Variants in ANKRD55 observed in about 807,000 individuals in gnomAD.
ANKRD55 encodes ankyrin repeat domain 55.
A neutral mutation model predicts 60.6 loss-of-function variants in ANKRD55; 41 were observed. That is an observed-to-expected ratio of 0.68 (90% CI 0.53 to 0.88). The LOEUF (loss-of-function observed/expected upper bound fraction) is 0.88, where lower values mean the gene tolerates loss of function less well. Ranked by LOEUF, ANKRD55 falls within the 40% of genes least tolerant of loss-of-function variation. The pLI is 0.00. For missense variants in ANKRD55, 732 were observed against 767.6 expected, an observed-to-expected ratio of 0.95 and a Z score of 0.55; for synonymous variants, 264 against 290.3, an observed-to-expected ratio of 0.91 and a Z score of 0.92.
chr5:56,210,945 A>T (rs1759655977), intron 2 of ANKRD55, among the ~76,000 whole-genome samples: 1 of 152,088 alleles, frequency 6.6e-6, no homozygotes, highest in Non-Finnish European at 1.5e-5. Context: ...ATACTCAATC[A>T]TTATTGACAC....
chr5:56,165,082 G>A (rs1291278878), intron 5 of ANKRD55, among the ~76,000 whole-genome samples: 1 of 152,166 alleles, frequency 6.6e-6, no homozygotes, highest in Non-Finnish European at 1.5e-5. Flanking sequence ...AACCTCCAGT[G>A]AGCACCAAAT....
intron 2 of ANKRD55, among the ~76,000 whole-genome samples, chr5:56,198,299 G>GT (rs535901595): frequency 0.17 from 24,920 of 150,606 alleles, 3,904 homozygotes; most frequent in African/African-American, 0.41. Context: ...TATTATTACT[G>GT]TTTTTTTTTC....
rs191888853 is a variant in ANKRD55 at position 56,181,502 on chromosome 5, G to A, written c.181+2010C>T. The stretch of plus-strand genomic sequence containing the variant: ...TTTTTCTGCCTTAGTTGGTTAATTC[G>A]GTGGATTACATTGACTTTCAAATAT... On this transcript the variant is annotated intron_variant, in intron 3 of 11. Transcript: ENST00000341048. 5.7e-3 allele frequency among the ~76,000 whole-genome samples: 873 copies of A among 152,012 alleles called. 7 individuals carry two copies. Among genetic ancestry groups the A allele is most frequent in the African/African-American group, 0.02 (841 of 41,422 alleles).
At chr5:56,117,236 A>T (rs557294719) in intron 8 of ANKRD55, among the ~76,000 whole-genome samples, 2 of 152,080 alleles carry the variant, frequency 1.3e-5, no homozygotes, top group Non-Finnish European at 2.9e-5. Flanking sequence ...CTTTTTATTT[A>T]ATTTATAGTA....
intron 2 of ANKRD55, among the ~76,000 whole-genome samples, chr5:56,189,076 T>C (rs1477060426): frequency 6.6e-6 from 1 of 152,120 alleles, no homozygotes; most frequent in Non-Finnish European, 1.5e-5. Context: ...GAGGTATGAA[T>C]GGACTTTAAT....
chr5:56,206,082 C>T (rs1418044641), intron 2 of ANKRD55, among the ~76,000 whole-genome samples: 1 of 151,474 alleles, frequency 6.6e-6, no homozygotes, highest in Admixed American at 6.6e-5. Context: ...CTCAGATGAC[C>T]CTCCTACCTC....
Position 56,137,076 on chromosome 5 carries a change from C to T in ANKRD55, c.612+6725G>A, listed in dbSNP as rs1248715626. 8.1e-6 allele frequency: 7 copies of T among 863,774 alleles called. No homozygotes were observed. The African/African-American group carries it at 1.2e-4, about 14-fold the overall frequency. 53.5% of individuals were successfully genotyped at this position (863,774 alleles called of 1,614,324 possible). A position where few individuals can be genotyped will look rare whatever the true frequency, so the allele number is the denominator to read the frequency against. ...CACTTTACGAACACTTGTGAAATGCCCAGGCCATCAGGGTAGGCATATATG... is the reference window on the plus strand; with the variant it reads ...CACTTTACGAACACTTGTGAAATGCTCAGGCCATCAGGGTAGGCATATATG... On this transcript the variant is annotated intron_variant, in intron 7 of 11. Coordinates refer to ENST00000341048, the MANE Select transcript of ANKRD55 (RefSeq NM_024669.3).
chr5:56,195,156 T>C (rs1759200493), intron 2 of ANKRD55, among the ~76,000 whole-genome samples: 1 of 152,220 alleles, frequency 6.6e-6, no homozygotes, highest in African/African-American at 2.4e-5. Flanking sequence ...GGGATAATTG[T>C]CTTGCCAATG....
chr5:56,131,031 CAGA>C (rs1007794549), intron 7 of ANKRD55, among the ~76,000 whole-genome samples: 12 of 151,508 alleles, frequency 7.9e-5, no homozygotes, highest in Admixed American at 5.9e-4. Context: ...ATAGGAATAC[CAGA>C]AGGAGAAGAG....
chr5:56,229,264 A>G (rs1254872843), intron 2 of ANKRD55, among the ~76,000 whole-genome samples: 1 of 152,154 alleles, frequency 6.6e-6, no homozygotes, highest in Admixed American at 6.5e-5. Flanking sequence ...TGGCTTTACT[A>G]CAGGTCGCTT....
chr5:56,197,555 A>G (rs1402332243), intron 2 of ANKRD55, among the ~76,000 whole-genome samples: 3 of 152,178 alleles, frequency 2.0e-5, no homozygotes. Flanking sequence ...CATGATGATG[A>G]TGTATTCACT....
rs765001143 is a variant in ANKRD55 at position 56,232,863 on chromosome 5, C to A, written c.51G>T (p.Gln17His). 3 of 1,614,072 alleles carry A rather than the reference C, an allele frequency of 1.9e-6. No individual in the cohort carries two copies. The highest frequency in any genetic ancestry group is 2.5e-6 in the Non-Finnish European group (3 of 1,179,980). ...MDFSTPSVFD[Q>H]QRGDSSEEVD... is the part of the protein sequence containing the mutation. ...GTTAAAGCAGCATTTTACCTCTTTGCTGATCAAACACAGAAGGGGTGCTGA... is the reference window on the plus strand; with the variant it reads ...GTTAAAGCAGCATTTTACCTCTTTGATGATCAAACACAGAAGGGGTGCTGA... The change falls in exon 2 of 12, where the codon CAG (glutamine) becomes CAT (histidine). Residue 17 changes from glutamine (Q) to histidine (H), a missense_variant. Physicochemically the swap from Gln to His is conservative, Grantham distance 24 (BLOSUM62 0). Around this residue, in one of 3 missense-constraint regions of ANKRD55, gnomAD observed 131 missense variants for 142.7 expected, o/e 0.92. Transcript: ENST00000341048.
intron 4 of ANKRD55, among the ~76,000 whole-genome samples, chr5:56,173,582 C>CTCTA (rs1484157730): frequency 5.5e-3 from 249 of 45,224 alleles, no homozygotes; most frequent in Non-Finnish European, 7.1e-3. Context: ...CTCTCTCTCT[C>CTCTA]TATATATATA....
chr5:56,206,834 C>T (rs747193759), intron 2 of ANKRD55, among the ~76,000 whole-genome samples: 15 of 152,164 alleles, frequency 9.9e-5, no homozygotes, highest in Non-Finnish European at 2.1e-4. Context: ...AAGAACAGGA[C>T]GAAGCTCTGA....
At chr5:56,117,137 TCTC>T (rs1756908769) in intron 8 of ANKRD55, among the ~76,000 whole-genome samples, 1 of 152,224 alleles carries the variant, frequency 6.6e-6, no homozygotes, top group Non-Finnish European at 1.5e-5. Flanking sequence ...TAGCTATGTT[TCTC>T]CTCCTTCTGT....
In ANKRD55 at chr5:56,213,375, T is replaced by C. The variant is rs150546386; in HGVS notation, c.58+19481A>G. ...ATTATTTTGCTTCCAGGGAAGGGAA[T>C]TGGACCACTGAAGGTAGGAGCGGGG... On this transcript the variant is annotated intron_variant, in intron 2 of 11. Transcript: ENST00000341048. Among the ~76,000 whole-genome samples the C allele has an allele frequency of 9.2e-3, 1,398 of 152,198 alleles. 35 individuals are homozygous for C. The highest frequency in any genetic ancestry group is 0.031 in the African/African-American group (1,295 of 41,506).
intron 8 of ANKRD55, among the ~76,000 whole-genome samples, chr5:56,123,402 T>C (rs1197258502): frequency 6.6e-6 from 1 of 152,208 alleles, no homozygotes; most frequent in Admixed American, 6.5e-5. Context: ...TTTCCTGTTA[T>C]GCTAGAAGCA....
At chr5:56,139,592 G>A (rs1757699121) in intron 7 of ANKRD55, among the ~76,000 whole-genome samples, 1 of 152,180 alleles carries the variant, frequency 6.6e-6, no homozygotes, top group Non-Finnish European at 1.5e-5. Flanking sequence ...AGGGGAGAGA[G>A]AAGGAATCTT....
chr5:56,129,860 C>G (rs928587662), intron 7 of ANKRD55, among the ~76,000 whole-genome samples: 6 of 152,134 alleles, frequency 3.9e-5, no homozygotes, highest in African/African-American at 1.4e-4. Context: ...AGCCGCTTAT[C>G]CCTCCTAAAA....
Sources: allele counts gnomAD v4.1 joint callset (sites outside exome capture counted in the v4.1 genomes callset), GRCh38; gene constraint gnomAD v4.1.1; regional missense constraint gnomAD v4.1.1; transcripts MANE v1.5; gene names NCBI Gene and HGNC (gene_info 2026-07-23, HGNC 2026-07-21).